The following ATP8B1 variants were observed in gnomAD, a reference collection of about 807,000 sequenced individuals.
The protein encoded by ATP8B1 is phospholipid-transporting ATPase IC.
A neutral mutation model predicts 149.9 loss-of-function variants in ATP8B1; 80 were observed. The ratio of observed to expected loss-of-function variants is 0.53; its 90% CI spans 0.45 to 0.64. The LOEUF (loss-of-function observed/expected upper bound fraction) is 0.64. Among genes scored for constraint, ATP8B1 ranks in the 30% least tolerant of loss-of-function variants. ATP8B1 has a pLI of 0.00. For synonymous variants in ATP8B1, 536 were observed against 562.8 expected (o/e 0.95, Z 0.67); for missense variants, 1,247 against 1,552.6 (o/e 0.80, Z 3.31).
intron 3 of ATP8B1, 130 bp downstream of exon 3, chr18:57,706,360 A>G (rs1433359745): frequency 3.6e-5 from 27 of 740,194 alleles, no homozygotes; most frequent in Non-Finnish European, 3.3e-5. Flanking sequence ...CTATAGAAAC[A>G]ATGATGATTA....
intron 3 of ATP8B1, among the ~76,000 whole-genome samples, chr18:57,704,967 C>T (rs1374955853): frequency 6.6e-6 from 1 of 152,058 alleles, no homozygotes. Flanking sequence ...ACCTGTAATC[C>T]CAGATACTTG....
chr18:57,731,485 T>C, intron 2 of ATP8B1, 142 bp downstream of exon 2: 1 of 968,812 alleles, frequency 1.0e-6, no homozygotes, highest in Non-Finnish European at 1.6e-6. Flanking sequence ...CATCCACCAT[T>C]CTGTCAGTCG....
Position 57,684,177 on chromosome 18 carries a change from A to C in ATP8B1, c.1489T>G (p.Trp497Gly), listed in dbSNP as rs757270859. 1 of 1,614,008 alleles carries C rather than the reference A, an allele frequency of 6.2e-7. No homozygotes were observed. Among genetic ancestry groups the C allele is most frequent in the Non-Finnish European group, 8.5e-7 (1 of 1,179,894 alleles). ...AGCTTCCCATCAGCATATGTATTCC[A>C]GCTAAAATCAACTTGCTGAAAGAAA... ...HNKIEQVDFSWNTYADGKLAF... is the reference protein window; with the variant it reads ...HNKIEQVDFSGNTYADGKLAF... The change falls in exon 15 of 28, where the codon TGG (tryptophan) becomes GGG (glycine). Residue 497 changes from tryptophan to glycine, a missense_variant. Coordinates refer to ENST00000648908, the MANE Select transcript of ATP8B1 (RefSeq NM_001374385.1).
At chr18:57,658,566 C>T (rs1910162785) in intron 22 of ATP8B1, among the ~76,000 whole-genome samples, 1 of 151,994 alleles carries the variant, frequency 6.6e-6, no homozygotes, top group South Asian at 2.1e-4. Context: ...TTAGCAAATG[C>T]TCAGATTATT....
chr18:57,661,925 G>A (rs1206376651), intron 21 of ATP8B1, among the ~76,000 whole-genome samples: 4 of 151,714 alleles, frequency 2.6e-5, no homozygotes, highest in Admixed American at 6.6e-5. Context: ...TCACCATATT[G>A]GCCAGGATGG....
chr18:57,655,561 C>T, intron 22 of ATP8B1, 144 bp from the exon 23 acceptor site: 1 of 774,754 alleles, frequency 1.3e-6, no homozygotes, highest in South Asian at 1.5e-5. Flanking sequence ...CTCACCATCC[C>T]TCACCCCCAG....
chr18:57,739,826 C>T (rs2079892357), intron 1 of ATP8B1, among the ~76,000 whole-genome samples: 1 of 152,190 alleles, frequency 6.6e-6, no homozygotes, highest in Admixed American at 6.5e-5. Flanking sequence ...GTACGCAAAA[C>T]CAAACCAGCC....
At chr18:57,751,573 G>A (rs72948054) in intron 1 of ATP8B1, among the ~76,000 whole-genome samples, 51,652 of 151,978 alleles carry the variant, frequency 0.34, 10,537 homozygotes, top group Non-Finnish European at 0.46. Flanking sequence ...TAGGTCAAAT[G>A]GGGATCTACA....
At chr18:57,716,892 G>T (rs2079587888) in intron 2 of ATP8B1, among the ~76,000 whole-genome samples, 1 of 152,180 alleles carries the variant, frequency 6.6e-6, no homozygotes, top group Non-Finnish European at 1.5e-5. Flanking sequence ...TCAGCACGTG[G>T]ATCATTCTCA....
intron 1 of ATP8B1, among the ~76,000 whole-genome samples, chr18:57,739,407 TTC>T (rs1213362254): frequency 1.3e-5 from 2 of 152,178 alleles, no homozygotes; most frequent in East Asian, 1.9e-4. Flanking sequence ...GCACCTACAT[TTC>T]TGTTTCCTTC....
At position 57,648,659 on chromosome 18, in the gene ATP8B1, C is replaced by T; in HGVS notation, c.3585G>A (p.Gln1195=). The T allele has an allele frequency of 6.3e-7, 1 of 1,575,622 alleles. No individual in the cohort carries two copies. The highest frequency in any genetic ancestry group is 8.6e-7 in the Non-Finnish European group (1 of 1,161,998). The stretch of plus-strand genomic sequence containing the variant: ...TTGACACGCCCCGGCGGAACACCTG[C>T]TGCCGTCGCTGCCACTGCTCCTCCG... ...LKAEEQWQRR[Q]QVFRRGVSTR... is the part of the protein sequence containing the mutation. Residue 1195 remains glutamine (Q), a synonymous_variant, in exon 28 of 28, where the codon CAG becomes CAA. Coordinates refer to ENST00000648908, the MANE Select transcript of ATP8B1 (RefSeq NM_001374385.1).
chr18:57,715,756 A>G (rs2079577747), intron 2 of ATP8B1, among the ~76,000 whole-genome samples: 1 of 152,202 alleles, frequency 6.6e-6, no homozygotes, highest in African/African-American at 2.4e-5. Flanking sequence ...TCAAGCATAA[A>G]GGAGAAATGA....
In ATP8B1 at chr18:57,666,787, C is replaced by T. The variant is rs145472599; in HGVS notation, c.2285+305G>A. Among the ~76,000 whole-genome samples, 95 of 152,258 alleles carry T rather than the reference C, an allele frequency of 6.2e-4. 1 individual carries two copies. In the East Asian group the frequency reaches 0.014, roughly 23 times the overall value. On this transcript the variant is annotated intron_variant, in intron 20 of 27. Coordinates refer to ENST00000648908, the MANE Select transcript of ATP8B1 (RefSeq NM_001374385.1). Reference sequence around the variant, plus strand: ...CTGACTTCAGGTGATCCACCCGCCTCGGCCTCCCAAAGGGCTGGGATTACA... The same window carrying T: ...CTGACTTCAGGTGATCCACCCGCCTTGGCCTCCCAAAGGGCTGGGATTACA...
chr18:57,684,991 AGACCT>A, intron 14 of ATP8B1, 76 bp downstream of exon 14: 1 of 1,540,716 alleles, frequency 6.5e-7, no homozygotes, highest in African/African-American at 1.4e-5. Flanking sequence ...AGTCTTCCCT[AGACCT>A]TCAAAGGAAG....
intron 1 of ATP8B1, among the ~76,000 whole-genome samples, chr18:57,750,820 A>C (rs1160098363): frequency 6.6e-6 from 1 of 152,178 alleles, no homozygotes; most frequent in Non-Finnish European, 1.5e-5. Flanking sequence ...ATGAGTATTT[A>C]AATATTATCA....
chr18:57,716,651 C>T (rs896245242), intron 2 of ATP8B1, among the ~76,000 whole-genome samples: 1 of 152,084 alleles, frequency 6.6e-6, no homozygotes, highest in Non-Finnish European at 1.5e-5. Context: ...AAATATTTAT[C>T]CACCTTACAC....
At chr18:57,771,206 T>G (rs1033716466) in intron 1 of ATP8B1, among the ~76,000 whole-genome samples, 1 of 152,232 alleles carries the variant, frequency 6.6e-6, no homozygotes, top group East Asian at 1.9e-4. Flanking sequence ...TAATGCTGAT[T>G]GCAACTGATG....
At chr18:57,653,483 C>T (rs1226045376) in intron 24 of ATP8B1, among the ~76,000 whole-genome samples, 1 of 151,132 alleles carries the variant, frequency 6.6e-6, no homozygotes, top group African/African-American at 2.4e-5. Context: ...ATGGGGTCTC[C>T]CTATGTTGCC....
intron 22 of ATP8B1, among the ~76,000 whole-genome samples, chr18:57,659,093 T>C (rs1910214996): frequency 1.3e-5 from 2 of 152,030 alleles, no homozygotes; most frequent in South Asian, 4.2e-4. Context: ...CTGAGCAACA[T>C]GGCAAATTCC....
Sources: allele counts gnomAD v4.1 joint callset (sites outside exome capture counted in the v4.1 genomes callset), GRCh38; gene constraint gnomAD v4.1.1; transcripts MANE v1.5; gene names NCBI Gene and HGNC (gene_info 2026-07-23, HGNC 2026-07-21).